TDRD3: variants seen among roughly 807,000 people sequenced by gnomAD.
TDRD3 encodes tudor domain containing 3.
In TDRD3, 45 loss-of-function variants were observed where a neutral mutation model predicts 86.7. That is an observed-to-expected ratio of 0.52 (90% CI 0.41 to 0.67). The LOEUF is 0.67. Ranked by LOEUF, TDRD3 falls within the 30% of genes least tolerant of loss-of-function variation. The pLI, the probability that TDRD3 is intolerant of heterozygous loss-of-function variation, is 0.00. For synonymous variants in TDRD3, 298 were observed against 301.7 expected (o/e 0.99, Z 0.13); for missense variants, 814 against 889.0 (o/e 0.92, Z 1.07).
At chr13:60,522,096 G>A (rs945482549) in intron 10 of TDRD3, among the ~76,000 whole-genome samples, 51 of 152,076 alleles carry the variant, frequency 3.4e-4, no homozygotes, top group African/African-American at 1.1e-3. Context: ...ATTAAAGGAT[G>A]TAGAGAATAT....
intron 7 of TDRD3, among the ~76,000 whole-genome samples, chr13:60,486,327 T>G (rs894167306): frequency 6.6e-6 from 1 of 152,192 alleles, no homozygotes; most frequent in Non-Finnish European, 1.5e-5. Flanking sequence ...TAGCAACTTA[T>G]GAGAAATAGC....
chr13:60,451,417 G>T (rs1353864906), intron 3 of TDRD3, among the ~76,000 whole-genome samples: 13 of 152,152 alleles, frequency 8.5e-5, no homozygotes, highest in Admixed American at 8.5e-4. Flanking sequence ...TGCTTGCCGT[G>T]TGCTGGATCC....
intron 8 of TDRD3, among the ~76,000 whole-genome samples, chr13:60,506,059 C>G (rs1013127952): frequency 6.6e-6 from 1 of 152,104 alleles, no homozygotes; most frequent in African/African-American, 2.4e-5. Context: ...TTGAGAAGAG[C>G]AACCCCAAGA....
intron 3 of TDRD3, among the ~76,000 whole-genome samples, chr13:60,447,198 T>C (rs1955423324): frequency 6.6e-6 from 1 of 152,136 alleles, no homozygotes; most frequent in Non-Finnish European, 1.5e-5. Context: ...AAATATACAA[T>C]AGACTATTTC....
chr13:60,434,306 T>A (rs1381939710), intron 1 of TDRD3, among the ~76,000 whole-genome samples: 1 of 151,718 alleles, frequency 6.6e-6, no homozygotes, highest in African/African-American at 2.4e-5. Context: ...CTCATCTCTA[T>A]AAAATAAAAT....
intron 10 of TDRD3, among the ~76,000 whole-genome samples, chr13:60,515,849 A>T (rs1957156790): frequency 1.3e-5 from 2 of 152,162 alleles, no homozygotes; most frequent in African/African-American, 4.8e-5. Flanking sequence ...AAATTTGGTT[A>T]TTTTCTGTAA....
intron 12 of TDRD3, among the ~76,000 whole-genome samples, chr13:60,544,445 A>T (rs1164544893): frequency 1.7e-4 from 4 of 22,932 alleles, no homozygotes; most frequent in African/African-American, 5.8e-4. Context: ...TATCTCTTTA[A>T]AAAAAAAAAA....
chr13:60,415,133 G>A (rs1391046169), intron 1 of TDRD3, among the ~76,000 whole-genome samples: 1 of 151,900 alleles, frequency 6.6e-6, no homozygotes, highest in African/African-American at 2.4e-5. Context: ...TTCATGTGTT[G>A]ATTTGACCAA....
chr13:60,489,137 A>G (rs1051483925), intron 7 of TDRD3, among the ~76,000 whole-genome samples: 1 of 152,170 alleles, frequency 6.6e-6, no homozygotes, highest in African/African-American at 2.4e-5. Context: ...CCAGACCAAC[A>G]TCCTGAACAA....
chr13:60,413,325 T>C (rs1354950315), intron 1 of TDRD3, among the ~76,000 whole-genome samples: 2 of 152,192 alleles, frequency 1.3e-5, no homozygotes, highest in Non-Finnish European at 2.9e-5. Flanking sequence ...TTCAGTTAGA[T>C]ATATATCTGC....
chr13:60,475,929 C>A (rs115890651), intron 5 of TDRD3, among the ~76,000 whole-genome samples: 1 of 152,086 alleles, frequency 6.6e-6, no homozygotes, highest in African/African-American at 2.4e-5. Flanking sequence ...CTTATAGATT[C>A]GGGATAGTAG....
In TDRD3 at chr13:60,439,737, G is replaced by C; in HGVS notation, c.91G>C (p.Val31Leu). The part of the protein sequence containing the change: ...IEACTSSPDK[V>L]NVNDIILIAL... The stretch of plus-strand genomic sequence containing the variant: ...AGCTTGCACAAGCTCTCCAGACAAA[G>C]TCAATGTAAATGACATCATCCTGAT... The change falls in exon 2 of 14, where the codon GTC (valine) becomes CTC (leucine). Residue 31 changes from valine (V) to leucine (L), a missense_variant. By Grantham distance (32) the Val-to-Leu change is conservative. Coordinates refer to ENST00000377881, the MANE Select transcript of TDRD3 (RefSeq NM_001146070.2). 1 of 1,544,470 alleles carries C rather than the reference G, an allele frequency of 6.5e-7. No individual in the cohort carries two copies.
chr13:60,539,000 A>G (rs1314434107), intron 12 of TDRD3, among the ~76,000 whole-genome samples: 1 of 152,192 alleles, frequency 6.6e-6, no homozygotes, highest in Non-Finnish European at 1.5e-5. Flanking sequence ...GTATCAGGAA[A>G]TGATCATTGT....
At chr13:60,409,180 T>G (rs1210997282) in intron 1 of TDRD3, among the ~76,000 whole-genome samples, 1 of 152,230 alleles carries the variant, frequency 6.6e-6, no homozygotes, top group Non-Finnish European at 1.5e-5. Flanking sequence ...AATCTCTACC[T>G]AGATTTCAGA....
At chr13:60,541,078 A>T (rs913254015) in intron 12 of TDRD3, among the ~76,000 whole-genome samples, 1 of 152,210 alleles carries the variant, frequency 6.6e-6, no homozygotes, top group Non-Finnish European at 1.5e-5. Context: ...AAAATGCTAG[A>T]TTAAAAATAT....
Position 60,528,792 on chromosome 13 carries a change from C to T in TDRD3, c.1567C>T (p.Gln523Ter). ...FAEAKENPLP[Q>*]GSVDYNNQKR... ...AGAGGCAAAAGAAAATCCACTTCCT[C>T]AAGGATCTGTAGATTATAATAATCA... Residue 523 changes from glutamine to a stop codon, truncating the protein, a stop_gained, in exon 11 of 14, where the codon CAA becomes TAA. Coordinates refer to ENST00000377881, the MANE Select transcript of TDRD3 (RefSeq NM_001146070.2). LOFTEE classifies it high-confidence loss of function. 1 of 1,613,860 alleles carries T rather than the reference C, an allele frequency of 6.2e-7. No individual in the cohort carries two copies. Among genetic ancestry groups the T allele is most frequent in the Non-Finnish European group, 8.5e-7 (1 of 1,179,910 alleles).
chr13:60,443,399 C>T (rs1286939956), intron 2 of TDRD3, among the ~76,000 whole-genome samples: 1 of 151,988 alleles, frequency 6.6e-6, no homozygotes, highest in Non-Finnish European at 1.5e-5. Context: ...CATTGTTACA[C>T]ATGAGTCTGG....
chr13:60,563,132 G>C (rs1398439668), intron 12 of TDRD3, among the ~76,000 whole-genome samples: 2 of 151,914 alleles, frequency 1.3e-5, no homozygotes, highest in Non-Finnish European at 2.9e-5. Context: ...GGAGGCTGAG[G>C]GGGGAGAATC....
chr13:60,459,796 T>G (rs765993995), intron 3 of TDRD3, among the ~76,000 whole-genome samples: 3 of 152,172 alleles, frequency 2.0e-5, no homozygotes, highest in African/African-American at 7.2e-5. Flanking sequence ...AATTTTTGTA[T>G]TTTTAGTAGA....
Sources: gnomAD v4.1 joint callset for allele counts (sites outside exome capture counted in the v4.1 genomes callset) on GRCh38, gnomAD v4.1.1 for gene constraint, MANE v1.5 for transcripts, NCBI Gene and HGNC (gene_info 2026-07-23, HGNC 2026-07-21) for gene names.